The following PLCL1 variants were observed in gnomAD, a reference collection of about 807,000 sequenced individuals.
PLCL1 encodes phospholipase C like 1 (inactive).
A neutral mutation model predicts 84.4 loss-of-function variants in PLCL1; 41 were observed. That is an observed-to-expected ratio of 0.49 (90% CI 0.38 to 0.63). The LOEUF (loss-of-function observed/expected upper bound fraction) is 0.63. PLCL1 is among the 30% of genes least tolerant of loss of function. PLCL1 has a pLI of 0.00. For missense variants in PLCL1, 1,206 were observed against 1,367.8 expected, an observed-to-expected ratio of 0.88 and a Z score of 1.87; for synonymous variants, 490 against 488.3, an observed-to-expected ratio of 1.00 and a Z score of -0.05.
chr2:198,062,701 T>C (rs1275495827), intron 1 of PLCL1, among the ~76,000 whole-genome samples: 3 of 152,196 alleles, frequency 2.0e-5, no homozygotes, highest in African/African-American at 7.2e-5. Flanking sequence ...TTCCTGACCA[T>C]AAGAATCACT....
At chr2:198,074,489 A>G (rs1256282937) in intron 1 of PLCL1, among the ~76,000 whole-genome samples, 2 of 152,222 alleles carry the variant, frequency 1.3e-5, no homozygotes, top group Admixed American at 6.5e-5. Flanking sequence ...ATCAATGAAA[A>G]TAATATATTG....
chr2:198,036,247 C>T (rs1045356160), intron 1 of PLCL1, among the ~76,000 whole-genome samples: 1 of 152,160 alleles, frequency 6.6e-6, no homozygotes, highest in African/African-American at 2.4e-5. Flanking sequence ...CTTCCCCTTC[C>T]CATTGTACCA....
chr2:197,938,667 G>T (rs1689094773), intron 1 of PLCL1, among the ~76,000 whole-genome samples: 1 of 152,086 alleles, frequency 6.6e-6, no homozygotes, highest in Non-Finnish European at 1.5e-5. Context: ...CCTTTCAAGG[G>T]GAATACCTGG....
intron 3 of PLCL1, among the ~76,000 whole-genome samples, chr2:198,095,396 C>CT (rs535253524): frequency 4.6e-5 from 7 of 152,180 alleles, no homozygotes; most frequent in South Asian, 2.1e-4. Context: ...AGTAATATGA[C>CT]TTTTTTTCAT....
intron 1 of PLCL1, among the ~76,000 whole-genome samples, chr2:197,964,782 T>C (rs772789951): frequency 7.9e-5 from 12 of 152,126 alleles, no homozygotes; most frequent in South Asian, 4.1e-4. Context: ...TTTTTGAGAG[T>C]TTTTATCATG....
At chr2:197,924,136 G>GGGGAGAGGGAGACCGTAGGGAGA (rs1688786465) in intron 1 of PLCL1, among the ~76,000 whole-genome samples, 1 of 90,246 alleles carries the variant, frequency 1.1e-5, no homozygotes, top group Non-Finnish European at 2.4e-5. Context: ...GGGAGACCGT[G>GGGGAGAGGGAGACCGTAGGGAGA]GGGAGAGGGA....
chr2:197,977,916 G>T (rs574589000), intron 1 of PLCL1, among the ~76,000 whole-genome samples: 43 of 152,202 alleles, frequency 2.8e-4, no homozygotes, highest in African/African-American at 9.4e-4. Context: ...TTTCTCTGAA[G>T]AGGACTACCC....
chr2:197,866,030 A>ATATATAT (rs1402888594), intron 1 of PLCL1, among the ~76,000 whole-genome samples: 2 of 71,922 alleles, frequency 2.8e-5, no homozygotes, highest in Admixed American at 1.3e-4. Flanking sequence ...AAAAAAAAAA[A>ATATATAT]AAAAAAATAT....
intron 1 of PLCL1, among the ~76,000 whole-genome samples, chr2:198,002,606 A>G (rs1296196667): frequency 1.3e-5 from 2 of 152,182 alleles, no homozygotes. Context: ...CCTCATTTCC[A>G]GTAACTTAGC....
intron 1 of PLCL1, among the ~76,000 whole-genome samples, chr2:198,061,425 G>A (rs1437041118): frequency 2.0e-5 from 3 of 151,934 alleles, no homozygotes; most frequent in African/African-American, 2.4e-5. Flanking sequence ...CCTCTTTAAC[G>A]GCCCCCAGCA....
chr2:198,116,684 T>C (rs1303162569), intron 5 of PLCL1, among the ~76,000 whole-genome samples: 2 of 151,972 alleles, frequency 1.3e-5, no homozygotes, highest in African/African-American at 4.8e-5. Flanking sequence ...TGACTTAGAA[T>C]TAAGTATTAG....
intron 1 of PLCL1, among the ~76,000 whole-genome samples, chr2:197,992,043 A>ATTT (rs112631242): frequency 7.0e-6 from 1 of 142,084 alleles, no homozygotes; most frequent in South Asian, 2.2e-4. Context: ...CTCAGCATTC[A>ATTT]TTTTTTTTTT....
At chr2:198,051,175 A>G (rs1283943326) in intron 1 of PLCL1, among the ~76,000 whole-genome samples, 1 of 152,206 alleles carries the variant, frequency 6.6e-6, no homozygotes, top group Non-Finnish European at 1.5e-5. Context: ...TGAAAAATGG[A>G]TAACAAGAGG....
intron 1 of PLCL1, among the ~76,000 whole-genome samples, chr2:198,041,302 A>G (rs530432515): frequency 1.1e-4 from 17 of 152,338 alleles, no homozygotes; most frequent in Admixed American, 7.2e-4. Context: ...TTGCCACTGA[A>G]GTACAAATAT....
chr2:198,131,643 C>G (rs938150272), intron 5 of PLCL1, among the ~76,000 whole-genome samples: 15 of 152,176 alleles, frequency 9.9e-5, no homozygotes, highest in African/African-American at 3.4e-4. Flanking sequence ...CTGCAGACAT[C>G]AGCCATAACC....
At chr2:198,114,625 A>G (rs1433064369) in intron 5 of PLCL1, among the ~76,000 whole-genome samples, 1 of 151,874 alleles carries the variant, frequency 6.6e-6, no homozygotes, top group Admixed American at 6.6e-5. Context: ...AGTGGAAAGA[A>G]AACATTGATA....
chr2:198,098,146 T>A (rs1026116398), intron 3 of PLCL1, among the ~76,000 whole-genome samples: 14 of 152,114 alleles, frequency 9.2e-5, no homozygotes, highest in African/African-American at 3.4e-4. Flanking sequence ...AGAAGGAAAG[T>A]AAGAGCTAGA....
At chr2:197,954,710 G>A (rs992287364) in intron 1 of PLCL1, among the ~76,000 whole-genome samples, 1 of 152,046 alleles carries the variant, frequency 6.6e-6, no homozygotes, top group Non-Finnish European at 1.5e-5. Flanking sequence ...TCACACTTAA[G>A]TTCATTAATG....
intron 1 of PLCL1, among the ~76,000 whole-genome samples, chr2:197,921,286 A>T (rs892347133): frequency 2.0e-5 from 3 of 152,234 alleles, no homozygotes; most frequent in Admixed American, 6.5e-5. Flanking sequence ...GTTTATATTG[A>T]ATGATAGCAA....
Sources: allele counts gnomAD v4.1 joint callset (sites outside exome capture counted in the v4.1 genomes callset), GRCh38; gene constraint gnomAD v4.1.1; transcripts MANE v1.5; gene names NCBI Gene and HGNC (gene_info 2026-07-23, HGNC 2026-07-21).